THRB: variants seen among roughly 807,000 people sequenced by gnomAD.
THRB encodes thyroid hormone receptor beta.
A neutral mutation model predicts 47.8 loss-of-function variants in THRB; 12 were observed. The observed-to-expected ratio is 0.25, with a 90% CI of 0.16 to 0.41. THRB has a LOEUF of 0.41. THRB is among the 10% of genes least tolerant of loss of function. The pLI is 1.00. For missense variants in THRB, 348 were observed against 589.2 expected (o/e 0.59, Z 4.24); for synonymous variants, 218 against 212.2 (o/e 1.03, Z -0.24).
intron 1 of THRB, among the ~76,000 whole-genome samples, chr3:24,444,097 T>G (rs1485365633): frequency 6.6e-6 from 1 of 152,180 alleles, no homozygotes; most frequent in Non-Finnish European, 1.5e-5. Flanking sequence ...GAAAAAAATC[T>G]ATCATCAAAT....
At chr3:24,353,388 G>C (rs1428503320) in intron 1 of THRB, among the ~76,000 whole-genome samples, 1 of 152,086 alleles carries the variant, frequency 6.6e-6, no homozygotes, top group African/African-American at 2.4e-5. Flanking sequence ...CTGAGCAATA[G>C]ACAAATCTCT....
Position 24,446,621 on chromosome 3 carries a change from T to C in THRB, c.-261+48031A>G, listed in dbSNP as rs2072113727. Among the ~76,000 whole-genome samples, 4 of 151,658 alleles carry C rather than the reference T, an allele frequency of 2.6e-5. No homozygotes were observed. In the South Asian group the frequency reaches 8.3e-4, roughly 32 times the overall value. ...TTGAAAATTCCTGCAATGCCTACTG[T>C]GACAGTGACATCAGAAGTCTATTTG... On this transcript the variant is annotated intron_variant, in intron 1 of 10. Coordinates refer to ENST00000646209, the MANE Select transcript of THRB (RefSeq NM_001354712.2).
chr3:24,299,165 G>A (rs1183534816), intron 2 of THRB, among the ~76,000 whole-genome samples: 4 of 149,574 alleles, frequency 2.7e-5, no homozygotes, highest in East Asian at 4.0e-4. Context: ...GGAGAATGGC[G>A]TGAACCCGGG....
chr3:24,197,047 A>C lies in THRB; in HGVS notation c.23-6713T>G, dbSNP rs567050712. On this transcript the variant is annotated intron_variant, in intron 4 of 10. Transcript: ENST00000646209. Reference sequence around the variant, plus strand: ...TTACATACATGTATATAATTTTCTTAACACTCATAGTGGCTAGCACAACAT... The same window carrying C: ...TTACATACATGTATATAATTTTCTTCACACTCATAGTGGCTAGCACAACAT... Among the ~76,000 whole-genome samples the C allele has an allele frequency of 1.9e-4, 29 of 152,314 alleles. No homozygotes were observed. In the South Asian group the frequency reaches 6.0e-3, roughly 32 times the overall value.
At chr3:24,270,494 C>T (rs570863186) in intron 3 of THRB, among the ~76,000 whole-genome samples, 1 of 152,190 alleles carries the variant, frequency 6.6e-6, no homozygotes, top group African/African-American at 2.4e-5. Context: ...TAGGTGCTAA[C>T]ATTATGAGCA....
chr3:24,146,911 T>G, intron 6 of THRB, 89 bp from the exon 7 acceptor site: 1 of 1,232,286 alleles, frequency 8.1e-7, no homozygotes, highest in Non-Finnish European at 1.2e-6. Context: ...AACTATGAGA[T>G]GAATCGTTTT....
chr3:24,126,459 C>T (rs1431438515), intron 10 of THRB, among the ~76,000 whole-genome samples: 4 of 152,224 alleles, frequency 2.6e-5, no homozygotes, highest in Admixed American at 6.5e-5. Context: ...TACTTGTGAC[C>T]GATATTTTAT....
At chr3:24,375,340 T>G (rs918543230) in intron 1 of THRB, among the ~76,000 whole-genome samples, 1 of 141,766 alleles carries the variant, frequency 7.1e-6, no homozygotes, top group East Asian at 2.2e-4. Context: ...TATTATTATA[T>G]TTAGACATAT....
intron 5 of THRB, among the ~76,000 whole-genome samples, chr3:24,186,061 G>A (rs938199333): frequency 6.6e-6 from 1 of 152,158 alleles, no homozygotes; most frequent in Admixed American, 6.5e-5. Context: ...TCAGGGAAGG[G>A]AAGAAAAATG....
At position 24,325,390 on chromosome 3, in the gene THRB, A is replaced by T. The variant is rs1355343172; in HGVS notation, c.-189+11910T>A. The stretch of plus-strand genomic sequence containing the variant: ...CTCTCAATTAATTGCAAATGGTTTT[A>T]AAAGAGCAAGGAGAGGCCGGGTGCA... On this transcript the variant is annotated intron_variant, in intron 2 of 10. Coordinates refer to ENST00000646209, the MANE Select transcript of THRB (RefSeq NM_001354712.2). Among the ~76,000 whole-genome samples, 4 of 152,346 alleles carry T rather than the reference A, an allele frequency of 2.6e-5. No homozygotes were observed. In the East Asian group the frequency reaches 7.7e-4, roughly 29 times the overall value.
rs578018156 is a variant in THRB at position 24,485,045 on chromosome 3, A to G, written c.-261+9607T>C. 2.0e-5 allele frequency among the ~76,000 whole-genome samples: 3 copies of G among 152,350 alleles called. No individual in the cohort carries two copies. The South Asian group carries it at 6.2e-4, about 32-fold the overall frequency. On this transcript the variant is annotated intron_variant, in intron 1 of 10. Coordinates refer to ENST00000646209, the MANE Select transcript of THRB (RefSeq NM_001354712.2). ...AAATAAAATCCCCATCAGTTAGAAA[A>G]TCACTTAACATTAAATACTGAAATG...
intron 3 of THRB, among the ~76,000 whole-genome samples, chr3:24,251,050 A>G (rs2050617000): frequency 6.6e-6 from 1 of 152,046 alleles, no homozygotes; most frequent in South Asian, 2.1e-4. Context: ...CAGACACATA[A>G]AAAAAGAAAA....
intron 3 of THRB, among the ~76,000 whole-genome samples, chr3:24,250,978 C>T (rs1215745264): frequency 6.6e-6 from 1 of 150,922 alleles, no homozygotes; most frequent in South Asian, 2.1e-4. Flanking sequence ...AGAAATGTGA[C>T]AAAACAATCT....
chr3:24,122,695 C>G lies in THRB; in HGVS notation c.*189G>C, dbSNP rs575610730. ...GCATTCACATCACAGGACCGGAGAA[C>G]GAAATGCAATAGTTTCAAGTACCCG... On this transcript the variant is annotated 3_prime_UTR_variant, in exon 11 of 11. Coordinates refer to ENST00000646209, the MANE Select transcript of THRB (RefSeq NM_001354712.2). 2.7e-6 allele frequency: 2 copies of G among 730,946 alleles called. No homozygotes were observed. The highest frequency in any genetic ancestry group is 3.6e-5 in the South Asian group (2 of 56,074). The allele number at this position is 730,946 out of a possible 1,614,324, so 45.3% of individuals were successfully genotyped here. A position where few individuals can be genotyped will look rare whatever the true frequency, so the allele number is the denominator to read the frequency against.
intron 3 of THRB, among the ~76,000 whole-genome samples, chr3:24,229,947 T>G (rs911221677): frequency 2.6e-5 from 4 of 152,164 alleles, no homozygotes; most frequent in African/African-American, 4.8e-5. Context: ...ACACGATTTC[T>G]TCAGTGTAAG....
chr3:24,456,174 A>G (rs558115868), intron 1 of THRB, among the ~76,000 whole-genome samples: 1 of 151,990 alleles, frequency 6.6e-6, no homozygotes, highest in Non-Finnish European at 1.5e-5. Flanking sequence ...AAGAAAAAAA[A>G]TTTTTTAAAA....
chr3:24,312,175 G>C (rs1413418405), intron 2 of THRB, among the ~76,000 whole-genome samples: 1 of 152,192 alleles, frequency 6.6e-6, no homozygotes, highest in Admixed American at 6.5e-5. Flanking sequence ...AAGTTTTCCT[G>C]ACCTCTCAAG....
Position 24,291,281 on chromosome 3 carries a change from G to T in THRB, c.-43+5945C>A, listed in dbSNP as rs529401342. Reference sequence around the variant, plus strand: ...GAAAATGGGAGGCCTTTTGAATATTGAGTCCTGCCACTTCCTTTTATTAGC... The same window carrying T: ...GAAAATGGGAGGCCTTTTGAATATTTAGTCCTGCCACTTCCTTTTATTAGC... On this transcript the variant is annotated intron_variant, in intron 3 of 10. Coordinates refer to ENST00000646209, the MANE Select transcript of THRB (RefSeq NM_001354712.2). Among the ~76,000 whole-genome samples, 4 of 152,312 alleles carry T rather than the reference G, an allele frequency of 2.6e-5. 1 individual carries two copies. In the South Asian group the frequency reaches 8.3e-4, roughly 32 times the overall value.
intron 5 of THRB, among the ~76,000 whole-genome samples, chr3:24,158,594 A>C (rs1243213778): frequency 6.6e-6 from 1 of 151,694 alleles, no homozygotes; most frequent in African/African-American, 2.4e-5. Flanking sequence ...ACGCCCAGCT[A>C]TTATTTGTTA....
Sources: allele counts gnomAD v4.1 joint callset (sites outside exome capture counted in the v4.1 genomes callset), GRCh38; gene constraint gnomAD v4.1.1; transcripts MANE v1.5; gene names NCBI Gene and HGNC (gene_info 2026-07-23, HGNC 2026-07-21).